The following ABLIM1 variants were observed in gnomAD, a reference collection of about 807,000 sequenced individuals.
ABLIM1 encodes the protein actin-binding LIM protein 1.
ABLIM1 carries 40 observed loss-of-function variants against 107.0 expected under a neutral mutation model. The ratio of observed to expected loss-of-function variants is 0.37; its 90% CI spans 0.29 to 0.49. The LOEUF (loss-of-function observed/expected upper bound fraction) is 0.49. Among genes scored for constraint, ABLIM1 ranks in the 20% least tolerant of loss-of-function variants. ABLIM1 has a pLI of 0.97. For synonymous variants in ABLIM1, 357 were observed against 357.3 expected (o/e 1.00, Z 0.01); for missense variants, 857 against 1,008.5 (o/e 0.85, Z 2.04).
intron 1 of ABLIM1, among the ~76,000 whole-genome samples, chr10:114,618,255 C>A (rs191633231): frequency 2.0e-5 from 3 of 152,260 alleles, no homozygotes; most frequent in South Asian, 2.1e-4. Flanking sequence ...GGAATAGATT[C>A]CCTTTCTTGT....
intron 4 of ABLIM1, among the ~76,000 whole-genome samples, chr10:114,569,157 G>A (rs945041203): frequency 2.0e-5 from 3 of 152,068 alleles, no homozygotes; most frequent in Non-Finnish European, 4.4e-5. Flanking sequence ...AAGTATGCCC[G>A]TGGGCCTCAA....
At chr10:114,574,433 T>C (rs2483569) in intron 3 of ABLIM1, among the ~76,000 whole-genome samples, 101,208 of 151,616 alleles carry the variant, frequency 0.67, 34,107 homozygotes, top group Middle Eastern at 0.76. Flanking sequence ...GATCATTTTA[T>C]TATTTATTTT....
chr10:114,748,447 T>C (rs891360851), intron 1 of ABLIM1, among the ~76,000 whole-genome samples: 1 of 151,880 alleles, frequency 6.6e-6, no homozygotes, highest in Non-Finnish European at 1.5e-5. Flanking sequence ...ACAATGAAAA[T>C]GTTATCTGTG....
chr10:114,499,238 T>G (rs1383309862), intron 6 of ABLIM1, among the ~76,000 whole-genome samples: 1 of 152,242 alleles, frequency 6.6e-6, no homozygotes, highest in Non-Finnish European at 1.5e-5. Flanking sequence ...TTTAAGTAGT[T>G]GTTTCTCATA....
At chr10:114,624,278 C>G (rs563677603) in intron 1 of ABLIM1, among the ~76,000 whole-genome samples, 2 of 152,316 alleles carry the variant, frequency 1.3e-5, no homozygotes, top group East Asian at 3.9e-4. Flanking sequence ...GAGAAGCCAA[C>G]AATACCAGGA....
chr10:114,545,054 C>T lies in ABLIM1; in HGVS notation c.845G>A (p.Gly282Glu). Residue 282 changes from glycine to glutamate, a missense_variant, in exon 6 of 23, where the codon GGG (glycine) becomes GAG (glutamate). This residue lies in a region of ABLIM1 where 381 missense variants were observed against 506.9 expected (regional missense o/e 0.75). Coordinates refer to ENST00000533213, the MANE Select transcript of ABLIM1 (RefSeq NM_002313.7). ...YCEKDYQGLFGVKCEACHQFI... is the reference protein window; with the variant it reads ...YCEKDYQGLFEVKCEACHQFI... ...CTGGTGACACGCCTCACATTTCACC[C>T]CAAAGAGTCCCTGGTAGTCCTTTTC... is the stretch of plus-strand genomic sequence containing the variant. 6.2e-7 allele frequency: 1 copy of T among 1,614,146 alleles called. No homozygotes were observed.
chr10:114,601,368 G>A (rs1389279902), intron 2 of ABLIM1, among the ~76,000 whole-genome samples: 1 of 151,310 alleles, frequency 6.6e-6, no homozygotes, highest in African/African-American at 2.4e-5. Context: ...GGGTTCAAGC[G>A]ATTCTCCTGC....
chr10:114,573,655 A>G (rs1016348194), intron 3 of ABLIM1, among the ~76,000 whole-genome samples: 2 of 152,316 alleles, frequency 1.3e-5, no homozygotes, highest in South Asian at 4.1e-4. Context: ...TAGGCTAGAA[A>G]TTGATCTTTG....
intron 1 of ABLIM1, among the ~76,000 whole-genome samples, chr10:114,604,159 T>C (rs1250852574): frequency 1.3e-5 from 2 of 152,130 alleles, no homozygotes; most frequent in Non-Finnish European, 2.9e-5. Context: ...AGTAATACTG[T>C]TCCCATTTGA....
At chr10:114,636,155 G>A (rs1052886393) in intron 1 of ABLIM1, among the ~76,000 whole-genome samples, 1 of 152,192 alleles carries the variant, frequency 6.6e-6, no homozygotes, top group African/African-American at 2.4e-5. Flanking sequence ...GTCAGGAGGG[G>A]CTTCCAGGAA....
intron 1 of ABLIM1, among the ~76,000 whole-genome samples, chr10:114,765,360 T>TA (rs201820756): frequency 0.011 from 1,282 of 119,270 alleles, 11 homozygotes; most frequent in South Asian, 0.041. Flanking sequence ...TTTTCAACTA[T>TA]AAAAAAAAAA....
At chr10:114,468,428 C>T (rs1243524523) in intron 10 of ABLIM1, among the ~76,000 whole-genome samples, 1 of 152,046 alleles carries the variant, frequency 6.6e-6, no homozygotes, top group African/African-American at 2.4e-5. Context: ...GCGCCGCCAC[C>T]ACCCCCAGCT....
chr10:114,573,448 A>G (rs1360747372), intron 3 of ABLIM1, among the ~76,000 whole-genome samples: 1 of 152,238 alleles, frequency 6.6e-6, no homozygotes, highest in Non-Finnish European at 1.5e-5. Context: ...TGCTGGCTCA[A>G]ATGTCCAGGG....
chr10:114,508,406 T>TA (rs1321974516), intron 6 of ABLIM1, among the ~76,000 whole-genome samples: 1 of 152,158 alleles, frequency 6.6e-6, no homozygotes, highest in East Asian at 1.9e-4. Flanking sequence ...TGAAAAAAGA[T>TA]AAAAAATATT....
chr10:114,558,334 A>G (rs968008633), intron 4 of ABLIM1, among the ~76,000 whole-genome samples: 7 of 152,182 alleles, frequency 4.6e-5, no homozygotes, highest in African/African-American at 4.8e-5. Context: ...AAATGCTTCT[A>G]TGTATGATGG....
chr10:114,615,050 C>CAAAAA (rs35393607), intron 1 of ABLIM1, among the ~76,000 whole-genome samples: 2 of 136,794 alleles, frequency 1.5e-5, no homozygotes, highest in African/African-American at 5.6e-5. Flanking sequence ...AACTCTGTCT[C>CAAAAA]AAAAAAAAAA....
intron 1 of ABLIM1, among the ~76,000 whole-genome samples, chr10:114,724,796 G>C (rs142788826): frequency 1.6e-3 from 249 of 152,220 alleles, no homozygotes; most frequent in African/African-American, 5.9e-3. Context: ...AAGGCTATGA[G>C]GCCAGGGGAC....
intron 1 of ABLIM1, among the ~76,000 whole-genome samples, chr10:114,668,866 A>C (rs2080134224): frequency 6.6e-6 from 1 of 152,254 alleles, no homozygotes; most frequent in Non-Finnish European, 1.5e-5. Flanking sequence ...GGTCTCACGG[A>C]AAGTCAGAGC....
intron 6 of ABLIM1, among the ~76,000 whole-genome samples, chr10:114,505,072 A>G (rs922220172): frequency 3.9e-5 from 6 of 152,126 alleles, no homozygotes; most frequent in East Asian, 1.9e-4. Flanking sequence ...CCCAAATCCA[A>G]TGGAATGTGA....
Sources: gnomAD v4.1 joint callset for allele counts (sites outside exome capture counted in the v4.1 genomes callset) on GRCh38, gnomAD v4.1.1 for gene constraint, gnomAD v4.1.1 regional missense constraint, MANE v1.5 for transcripts, NCBI Gene and HGNC (gene_info 2026-07-23, HGNC 2026-07-21) for gene names.